MECOM: variants seen among roughly 807,000 people sequenced by gnomAD.
MECOM encodes the protein histone-lysine N-methyltransferase MECOM.
MECOM carries 13 observed loss-of-function variants against 116.3 expected under a neutral mutation model. That is an observed-to-expected ratio of 0.11 (90% CI 0.07 to 0.18). MECOM has a LOEUF of 0.18. Among genes scored for constraint, MECOM ranks in the 10% least tolerant of loss-of-function variants. MECOM has a pLI of 1.00. For synonymous variants in MECOM, 528 were observed against 535.2 expected (o/e 0.99, Z 0.19); for missense variants, 1,299 against 1,509.0 (o/e 0.86, Z 2.31).
At chr3:169,374,755 G>T (rs1730729844) in intron 2 of MECOM, among the ~76,000 whole-genome samples, 1 of 151,970 alleles carries the variant, frequency 6.6e-6, no homozygotes, top group African/African-American at 2.4e-5. Flanking sequence ...ACATAAGGCT[G>T]GGCATGGTGG....
intron 1 of MECOM, among the ~76,000 whole-genome samples, 176 bp from the exon 2 acceptor site, chr3:169,381,700 G>A (rs1732418024): frequency 6.6e-6 from 1 of 152,158 alleles, no homozygotes; most frequent in East Asian, 1.9e-4. Context: ...AGAGATTATG[G>A]CCTCTGTGGT....
rs1264651574 is a variant in MECOM, at chr3:169,251,061, G to C, written c.376-107229C>G. On this transcript the variant is annotated intron_variant, in intron 2 of 16. Transcript: ENST00000651503. ...ATTTTCTTCATCAAGTGTAAAACAA[G>C]AATACAGGATGAGGCAACAGTTGCT... Among the ~76,000 whole-genome samples the C allele has an allele frequency of 3.3e-5, 5 of 152,316 alleles. No individual in the cohort carries two copies. The East Asian group carries it at 5.8e-4, about 18-fold the overall frequency.
chr3:169,485,956 CATATATACTATATATACA>C (rs1752211427), intron 1 of MECOM, among the ~76,000 whole-genome samples: 3 of 33,914 alleles, frequency 8.8e-5, no homozygotes, highest in Non-Finnish European at 1.7e-4. Flanking sequence ...TATATATGTA[CATATATACTATATATACA>C]TATATATATA....
intron 1 of MECOM, among the ~76,000 whole-genome samples, chr3:169,495,481 G>T (rs1344657575): frequency 6.6e-6 from 1 of 152,160 alleles, no homozygotes; most frequent in East Asian, 1.9e-4. Context: ...GTGTGAACCT[G>T]TGTCTGGCCT....
At chr3:169,310,476 G>A (rs1315423559) in intron 2 of MECOM, among the ~76,000 whole-genome samples, 1 of 152,122 alleles carries the variant, frequency 6.6e-6, no homozygotes, top group Non-Finnish European at 1.5e-5. Flanking sequence ...ATTATCATAG[G>A]CATTTTGGAA....
intron 7 of MECOM, among the ~76,000 whole-genome samples, chr3:169,117,527 A>G (rs1038123080): frequency 5.9e-5 from 9 of 152,190 alleles, no homozygotes; most frequent in African/African-American, 2.2e-4. Flanking sequence ...ACCTTCCTGC[A>G]TTTATGAAAA....
chr3:169,481,767 A>G (rs1363466655), intron 1 of MECOM, among the ~76,000 whole-genome samples: 9 of 152,164 alleles, frequency 5.9e-5, no homozygotes, highest in Admixed American at 5.9e-4. Context: ...AAAGAGAATG[A>G]ACATTACTGC....
At chr3:169,549,802 T>C (rs1761161403) in intron 1 of MECOM, among the ~76,000 whole-genome samples, 1 of 152,250 alleles carries the variant, frequency 6.6e-6, no homozygotes, top group South Asian at 2.1e-4. Context: ...ATTGTTGCCT[T>C]GACCCTCATA....
chr3:169,280,521 A>C (rs1180916940), intron 2 of MECOM, among the ~76,000 whole-genome samples: 7 of 152,302 alleles, frequency 4.6e-5, no homozygotes, highest in Middle Eastern at 3.4e-3. Context: ...AATTCCATGG[A>C]AGCAAAAGAG....
chr3:169,314,554 A>G (rs1240025327), intron 2 of MECOM, among the ~76,000 whole-genome samples: 1 of 152,220 alleles, frequency 6.6e-6, no homozygotes, highest in Non-Finnish European at 1.5e-5. Flanking sequence ...TCTCACAACT[A>G]CCTTTTGATA....
intron 2 of MECOM, among the ~76,000 whole-genome samples, chr3:169,343,779 T>C (rs1724934189): frequency 1.3e-5 from 2 of 152,154 alleles, no homozygotes. Flanking sequence ...TCAATAAATC[T>C]TTTTAAGGGA....
intron 3 of MECOM, chr3:169,131,864 G>T: frequency 1.0e-6 from 1 of 980,856 alleles, no homozygotes; most frequent in Non-Finnish European, 1.2e-6. Context: ...AATCCTCAAA[G>T]CACCCTAGCA....
intron 1 of MECOM, among the ~76,000 whole-genome samples, chr3:169,584,288 G>A (rs192862983): frequency 1.3e-5 from 2 of 152,158 alleles, no homozygotes; most frequent in Admixed American, 6.5e-5. Flanking sequence ...AAGAAAGGCC[G>A]GGCGCGGGGG....
intron 1 of MECOM, among the ~76,000 whole-genome samples, chr3:169,444,053 A>G (rs1287010791): frequency 6.6e-6 from 1 of 152,224 alleles, no homozygotes; most frequent in East Asian, 1.9e-4. Context: ...TACTGATAGC[A>G]GATAACTTTG....
intron 1 of MECOM, among the ~76,000 whole-genome samples, chr3:169,391,815 T>C (rs1306959910): frequency 6.6e-6 from 1 of 152,154 alleles, no homozygotes; most frequent in Non-Finnish European, 1.5e-5. Context: ...TATCAACATG[T>C]ACAATAACTA....
chr3:169,151,658 C>T (rs919580390), intron 2 of MECOM, among the ~76,000 whole-genome samples: 1 of 152,154 alleles, frequency 6.6e-6, no homozygotes, highest in Non-Finnish European at 1.5e-5. Context: ...CAATAAGTGC[C>T]TGCTAATTAA....
chr3:169,348,856 A>G (rs1004550787), intron 2 of MECOM, among the ~76,000 whole-genome samples: 1 of 151,982 alleles, frequency 6.6e-6, no homozygotes, highest in East Asian at 1.9e-4. Context: ...AGCATGATAC[A>G]TTACTATTTC....
At chr3:169,410,192 A>T (rs1037896762) in intron 1 of MECOM, among the ~76,000 whole-genome samples, 2 of 152,234 alleles carry the variant, frequency 1.3e-5, no homozygotes, top group Non-Finnish European at 2.9e-5. Flanking sequence ...TCAGAAAAAC[A>T]GTTGTGACAA....
chr3:169,092,435 A>G (rs1453417089), intron 14 of MECOM, among the ~76,000 whole-genome samples: 1 of 151,978 alleles, frequency 6.6e-6, no homozygotes, highest in Non-Finnish European at 1.5e-5. Flanking sequence ...ATATATACAG[A>G]ATATACATAT....
Sources: allele counts gnomAD v4.1 joint callset (sites outside exome capture counted in the v4.1 genomes callset), GRCh38; gene constraint gnomAD v4.1.1; transcripts MANE v1.5; gene names NCBI Gene and HGNC (gene_info 2026-07-23, HGNC 2026-07-21).